Variants in PRIM2 observed in about 807,000 individuals in gnomAD.
PRIM2 encodes the protein DNA primase subunit 2.
A neutral mutation model predicts 67.3 loss-of-function variants in PRIM2; 39 were observed. The ratio of observed to expected loss-of-function variants is 0.58; its 90% CI spans 0.45 to 0.76. The LOEUF (loss-of-function observed/expected upper bound fraction) is 0.76, where lower values mean the gene tolerates loss of function less well. Among genes scored for constraint, PRIM2 ranks in the 30% least tolerant of loss-of-function variants. The probability of loss-of-function intolerance (pLI) is 0.00; values close to 1 mark genes in which losing one functional copy is unlikely to be tolerated. For missense variants in PRIM2, 398 were observed against 598.7 expected (o/e 0.66, Z 3.50); for synonymous variants, 143 against 198.7 (o/e 0.72, Z 2.36).
In PRIM2 at chr6:57,407,636, G is replaced by A. The variant is rs1266342612; in HGVS notation, c.693+25468G>A. 1.2e-4 allele frequency among the ~76,000 whole-genome samples: 18 copies of A among 152,332 alleles called. 1 individual carries two copies. The highest frequency in any genetic ancestry group is 1.8e-4 in the Non-Finnish European group (12 of 68,026). ...CATATTGCGGGTTAGGCCTGAGGCG[G>A]TACACAGTGGCACACCCACATGGGG... is the stretch of plus-strand genomic sequence containing the variant. On this transcript the variant is annotated intron_variant, in intron 7 of 13. Transcript: ENST00000615550.
At chr6:57,329,512 C>T (rs957732069) in intron 5 of PRIM2, among the ~76,000 whole-genome samples, 1 of 152,056 alleles carries the variant, frequency 6.6e-6, no homozygotes, top group African/African-American at 2.4e-5. Context: ...ATAATCCCCA[C>T]GTGTCATGGA....
chr6:57,229,454 T>A, the PRIM2 span, among the ~76,000 whole-genome samples: 1 of 151,774 alleles, frequency 6.6e-6, no homozygotes, highest in African/African-American at 2.4e-5. Context: ...TTAGGCTTTT[T>A]AATCTTTTTT....
chr6:57,347,378 G>A (rs1768712222), intron 5 of PRIM2, among the ~76,000 whole-genome samples: 1 of 152,194 alleles, frequency 6.6e-6, no homozygotes, highest in East Asian at 1.9e-4. Flanking sequence ...ATCACTAATA[G>A]CTAACATTTG....
upstream of PRIM2, among the ~76,000 whole-genome samples, chr6:57,316,588 C>A (rs978024341): frequency 6.6e-6 from 1 of 152,210 alleles, no homozygotes; most frequent in Non-Finnish European, 1.5e-5. Flanking sequence ...CTTTGCATTT[C>A]TAAAAACGTG....
chr6:57,587,646 A>G lies in PRIM2; in HGVS notation c.1021-13447A>G, dbSNP rs1180540533. ...GCCACTGTACTCCAGCCTGGGCAACAAGAGTGAGACTCTGTCTCAAAAAAA... is the reference window on the plus strand; with the variant it reads ...GCCACTGTACTCCAGCCTGGGCAACGAGAGTGAGACTCTGTCTCAAAAAAA... On this transcript the variant is annotated intron_variant, in intron 10 of 13. Transcript: ENST00000615550. Among the ~76,000 whole-genome samples the G allele has an allele frequency of 1.1e-4, 14 of 128,194 alleles. No individual in the cohort carries two copies. The Admixed American group carries it at 1.3e-3, about 12-fold the overall frequency. 84.1% of individuals were successfully genotyped at this position (128,194 alleles called of 152,430 possible). A position where few individuals can be genotyped will look rare whatever the true frequency, so the allele number is the denominator to read the frequency against.
chr6:57,553,109 G>T (rs1775436712), intron 10 of PRIM2, among the ~76,000 whole-genome samples: 1 of 152,218 alleles, frequency 6.6e-6, no homozygotes, highest in South Asian at 2.1e-4. Flanking sequence ...TAAGGATAAA[G>T]TCAGAATGGT....
At chr6:57,488,276 T>G (rs1384208924) in intron 7 of PRIM2, among the ~76,000 whole-genome samples, 1 of 152,230 alleles carries the variant, frequency 6.6e-6, no homozygotes, top group Non-Finnish European at 1.5e-5. Context: ...CCCACTAGAA[T>G]GAATGGCCAA....
chr6:57,470,519 G>A (rs1773314176), intron 7 of PRIM2, among the ~76,000 whole-genome samples: 2 of 131,814 alleles, frequency 1.5e-5, no homozygotes, highest in African/African-American at 5.7e-5. Flanking sequence ...TTCTCCCAAA[G>A]CTTAAGACTA....
At chr6:57,551,984 C>T (rs1321511511) in intron 10 of PRIM2, among the ~76,000 whole-genome samples, 13 of 152,090 alleles carry the variant, frequency 8.5e-5, no homozygotes, top group Admixed American at 3.9e-4. Flanking sequence ...TGAAGAAACT[C>T]GAGGCAAAGA....
At chr6:57,486,329 T>C (rs1773752827) in intron 7 of PRIM2, among the ~76,000 whole-genome samples, 1 of 152,250 alleles carries the variant, frequency 6.6e-6, no homozygotes, top group African/African-American at 2.4e-5. Context: ...ATCCTGCTCA[T>C]GGTCATCGCC....
At chr6:57,479,121 A>C (rs1456157284) in intron 7 of PRIM2, among the ~76,000 whole-genome samples, 48 of 152,316 alleles carry the variant, frequency 3.2e-4, no homozygotes, top group Non-Finnish European at 4.9e-4. Context: ...ACTCCAGCCT[A>C]GGCATCAAGA....
rs1309308204 is a variant in PRIM2 at position 57,585,022 on chromosome 6, C to T, written c.1021-16071C>T. Among the ~76,000 whole-genome samples, 29 of 152,270 alleles carry T rather than the reference C, an allele frequency of 1.9e-4. 1 individual carries two copies. The South Asian group carries it at 2.9e-3, about 15-fold the overall frequency. On this transcript the variant is annotated intron_variant, in intron 10 of 13. Coordinates refer to ENST00000615550, the MANE Select transcript of PRIM2 (RefSeq NM_000947.5). Reference sequence around the variant, plus strand: ...AGAGCAGAAAAAGGAATATTTAATACACCATAGGAGGTAATTTGCTGAATT... The same window carrying T: ...AGAGCAGAAAAAGGAATATTTAATATACCATAGGAGGTAATTTGCTGAATT...
chr6:57,515,372 A>C (rs1774461327), intron 8 of PRIM2, among the ~76,000 whole-genome samples: 2 of 152,224 alleles, frequency 1.3e-5, no homozygotes, highest in South Asian at 2.1e-4. Context: ...ATTGCAACAT[A>C]GATGTTTTCC....
At chr6:57,348,997 G>A (rs1581816188) in intron 5 of PRIM2, among the ~76,000 whole-genome samples, 1 of 151,812 alleles carries the variant, frequency 6.6e-6, no homozygotes, top group Non-Finnish European at 1.5e-5. Flanking sequence ...TGCCTGCTTC[G>A]GCCTTCCAAA....
At chr6:57,373,068 C>T (rs1769617787) in intron 5 of PRIM2, among the ~76,000 whole-genome samples, 1 of 152,222 alleles carries the variant, frequency 6.6e-6, no homozygotes, top group African/African-American at 2.4e-5. Context: ...AACTAATTTA[C>T]TCTTCCACCA....
At chr6:57,254,692 C>T in the PRIM2 span, among the ~76,000 whole-genome samples, 1 of 131,224 alleles carries the variant, frequency 7.6e-6, no homozygotes, top group Admixed American at 8.5e-5. Flanking sequence ...TCTGAAGAAA[C>T]TCCCCAGACC....
At chr6:57,543,483 G>A (rs1216938818) in intron 10 of PRIM2, among the ~76,000 whole-genome samples, 1 of 152,138 alleles carries the variant, frequency 6.6e-6, no homozygotes, top group Non-Finnish European at 1.5e-5. Context: ...TGTCCTCATT[G>A]TGACTTATTT....
intron 7 of PRIM2, among the ~76,000 whole-genome samples, chr6:57,472,927 A>G: frequency 6.6e-6 from 1 of 152,286 alleles, no homozygotes; most frequent in Admixed American, 6.5e-5. Context: ...TTCTCCAGGA[A>G]AGGCAATTAT....
At chr6:57,234,285 A>G in the PRIM2 span, among the ~76,000 whole-genome samples, 1 of 152,176 alleles carries the variant, frequency 6.6e-6, no homozygotes, top group African/African-American at 2.4e-5. Flanking sequence ...ACATAGACCT[A>G]ACTTATGAAA....
Sources: gnomAD v4.1 joint callset for allele counts (sites outside exome capture counted in the v4.1 genomes callset) on GRCh38, gnomAD v4.1.1 for gene constraint, MANE v1.5 for transcripts, NCBI Gene and HGNC (gene_info 2026-07-23, HGNC 2026-07-21) for gene names.